The following GRM1 variants were observed in gnomAD, a reference collection of about 807,000 sequenced individuals.
GRM1 encodes the protein metabotropic glutamate receptor 1.
In GRM1, 33 loss-of-function variants were observed where a neutral mutation model predicts 90.9. That is an observed-to-expected ratio of 0.36 (90% CI 0.28 to 0.49). GRM1 has a LOEUF of 0.49. Among genes scored for constraint, GRM1 ranks in the 20% least tolerant of loss-of-function variants. The probability of loss-of-function intolerance (pLI) is 0.99; values close to 1 mark genes in which losing one functional copy is unlikely to be tolerated. For synonymous variants in GRM1, 700 were observed against 613.2 expected, an observed-to-expected ratio of 1.14 and a Z score of -2.09; for missense variants, 1,190 against 1,534.3, an observed-to-expected ratio of 0.78 and a Z score of 3.75.
At chr6:146,290,946 C>T (rs1782958119) in intron 2 of GRM1, among the ~76,000 whole-genome samples, 2 of 151,960 alleles carry the variant, frequency 1.3e-5, no homozygotes. Flanking sequence ...AATCTTTATG[C>T]AACAGAGGGC....
intron 2 of GRM1, among the ~76,000 whole-genome samples, chr6:146,300,751 C>G (rs760545644): frequency 2.6e-5 from 4 of 152,162 alleles, no homozygotes; most frequent in Admixed American, 2.6e-4. Context: ...AGGATTCACT[C>G]CAGACACTTG....
chr6:146,045,884 G>T (rs1447350083), intron 1 of GRM1, among the ~76,000 whole-genome samples: 1 of 151,108 alleles, frequency 6.6e-6, no homozygotes, highest in Non-Finnish European at 1.5e-5. Flanking sequence ...GGCAATTAAA[G>T]CTCACAGATG....
intron 1 of GRM1, among the ~76,000 whole-genome samples, chr6:146,149,941 C>T (rs528432965): frequency 2.0e-5 from 3 of 152,116 alleles, no homozygotes; most frequent in Admixed American, 6.6e-5. Context: ...TCCTTATATG[C>T]CACCACCTGG....
intron 2 of GRM1, among the ~76,000 whole-genome samples, chr6:146,226,274 T>G (rs1450147234): frequency 6.6e-6 from 1 of 152,108 alleles, no homozygotes; most frequent in East Asian, 1.9e-4. Flanking sequence ...TGAGGAAAAC[T>G]GTAGCCCTAG....
intron 1 of GRM1, among the ~76,000 whole-genome samples, chr6:146,086,042 A>C (rs751214827): frequency 6.6e-6 from 1 of 152,112 alleles, no homozygotes; most frequent in Admixed American, 6.6e-5. Flanking sequence ...GGGGTATATG[A>C]GTGGAATAGA....
chr6:146,061,184 A>T lies in GRM1; in HGVS notation c.700+30967A>T, dbSNP rs184985938. Among the ~76,000 whole-genome samples, 1,339 of 152,272 alleles carry T rather than the reference A, an allele frequency of 8.8e-3. 14 individuals carry two copies. Among genetic ancestry groups the T allele is most frequent in the Non-Finnish European group, 0.012 (783 of 68,012 alleles). On this transcript the variant is annotated intron_variant, in intron 1 of 7. Transcript: ENST00000282753. ...CATGGTGTCCCAAAACAATTACAAT[A>T]GTGACATTCAGGATCACTTATCATA...
chr6:146,371,671 A>G (rs945664870), intron 5 of GRM1, among the ~76,000 whole-genome samples: 2 of 152,034 alleles, frequency 1.3e-5, no homozygotes, highest in Admixed American at 6.6e-5. Flanking sequence ...CGTGAGTTCA[A>G]TTGATTTGAT....
Position 146,426,082 on chromosome 6 carries a change from G to C in GRM1, c.2661-7790G>C, listed in dbSNP as rs118118101. On this transcript the variant is annotated intron_variant, in intron 7 of 7. Coordinates refer to ENST00000282753, the MANE Select transcript of GRM1 (RefSeq NM_001278064.2). ...ACACTTTCTGTCTTGTGAATGCCAAGAGATAAATATATGAAGTGACAGCAA... is the reference window on the plus strand; with the variant it reads ...ACACTTTCTGTCTTGTGAATGCCAACAGATAAATATATGAAGTGACAGCAA... Among the ~76,000 whole-genome samples the C allele has an allele frequency of 3.2e-3, 489 of 152,286 alleles. 2 individuals are homozygous for C. The highest frequency in any genetic ancestry group is 6.8e-3 in the Middle Eastern group (2 of 294).
chr6:146,383,290 G>GT (rs1456337113), intron 5 of GRM1, among the ~76,000 whole-genome samples: 2 of 152,106 alleles, frequency 1.3e-5, no homozygotes, highest in Non-Finnish European at 2.9e-5. Context: ...ACTTTCACCA[G>GT]TCATCCTGCA....
intron 2 of GRM1, among the ~76,000 whole-genome samples, chr6:146,184,813 G>A (rs1583130685): frequency 6.6e-6 from 1 of 152,150 alleles, no homozygotes; most frequent in African/African-American, 2.4e-5. Flanking sequence ...CAACAAGATT[G>A]CTCTTTAACA....
At chr6:146,142,885 C>A (rs1030159981) in intron 1 of GRM1, among the ~76,000 whole-genome samples, 2 of 152,148 alleles carry the variant, frequency 1.3e-5, no homozygotes, top group African/African-American at 4.8e-5. Flanking sequence ...GGTACTCTAA[C>A]CCACTGTGGC....
intron 1 of GRM1, among the ~76,000 whole-genome samples, chr6:146,067,168 T>A (rs1424094733): frequency 6.6e-6 from 1 of 152,202 alleles, no homozygotes; most frequent in Non-Finnish European, 1.5e-5. Context: ...ACAATTTGAT[T>A]GATTAATTGA....
At position 146,435,287 on chromosome 6, in the gene GRM1, G is replaced by A; in HGVS notation, c.*491G>A. 3.5e-6 allele frequency: 1 copy of A among 285,050 alleles called. No homozygotes were observed. The highest frequency in any genetic ancestry group is 6.7e-6 in the Non-Finnish European group (1 of 148,298). The allele number at this position is 285,050 out of a possible 1,614,324, so 17.7% of individuals were successfully genotyped here. On this transcript the variant is annotated 3_prime_UTR_variant, in exon 8 of 8. Coordinates refer to ENST00000282753, the MANE Select transcript of GRM1 (RefSeq NM_001278064.2). Reference sequence around the variant, plus strand: ...CAGAGCAGGTGCGGGGAAGGGAAGGGCCCAGGCCAGACCCATCCCAAACGG... The same window carrying A: ...CAGAGCAGGTGCGGGGAAGGGAAGGACCCAGGCCAGACCCATCCCAAACGG...
intron 1 of GRM1, among the ~76,000 whole-genome samples, chr6:146,042,389 T>C (rs1220110971): frequency 6.6e-6 from 1 of 151,878 alleles, no homozygotes; most frequent in African/African-American, 2.4e-5. Context: ...AAATAATCCT[T>C]TAGGAGGGGA....
At chr6:146,336,196 C>A (rs1294380497) in intron 3 of GRM1, among the ~76,000 whole-genome samples, 1 of 151,886 alleles carries the variant, frequency 6.6e-6, no homozygotes, top group Non-Finnish European at 1.5e-5. Context: ...GTATCTTGAG[C>A]CTGAGCATTA....
At chr6:146,327,966 C>T (rs1784452058) in intron 3 of GRM1, among the ~76,000 whole-genome samples, 1 of 152,112 alleles carries the variant, frequency 6.6e-6, no homozygotes, top group Non-Finnish European at 1.5e-5. Flanking sequence ...ACTGGATTTC[C>T]ACAGGCAAGG....
intron 6 of GRM1, among the ~76,000 whole-genome samples, chr6:146,388,615 G>T (rs534998569): frequency 1.3e-5 from 2 of 152,014 alleles, no homozygotes; most frequent in Non-Finnish European, 2.9e-5. Context: ...AGATCAGAAC[G>T]TTTTTGAAGG....
At chr6:146,364,877 A>G (rs1775619832) in intron 5 of GRM1, 1 of 152,040 alleles carries the variant, frequency 6.6e-6, no homozygotes, top group Non-Finnish European at 1.5e-5. Flanking sequence ...TTCTCGTATA[A>G]TTATCAAACC....
intron 2 of GRM1, among the ~76,000 whole-genome samples, chr6:146,191,873 G>A (rs1030141713): frequency 2.0e-5 from 3 of 152,020 alleles, no homozygotes; most frequent in African/African-American, 7.2e-5. Context: ...ACAAGTTTTT[G>A]TGCTGAATAT....
Sources: allele counts gnomAD v4.1 joint callset (sites outside exome capture counted in the v4.1 genomes callset), GRCh38; gene constraint gnomAD v4.1.1; transcripts MANE v1.5; gene names NCBI Gene and HGNC (gene_info 2026-07-23, HGNC 2026-07-21).